XKR9: variants seen among roughly 807,000 people sequenced by gnomAD.
The protein encoded by XKR9 is XK-related protein 9.
In XKR9, 32 loss-of-function variants were observed where a neutral mutation model predicts 32.0. The observed-to-expected ratio is 1.00, with a 90% CI of 0.76 to 1.34. XKR9 has a LOEUF of 1.34. XKR9 is among the 40% of genes most tolerant of loss of function. The pLI is 0.00. For synonymous variants in XKR9, 168 were observed against 143.4 expected, an observed-to-expected ratio of 1.17 and a Z score of -1.22; for missense variants, 546 against 429.7, an observed-to-expected ratio of 1.27 and a Z score of -2.39.
Position 70,733,779 on chromosome 8 carries a change from A to ATTTTTTTTTTTTTTT in XKR9, c.494-10_494-9insTTTTTTTTTTTTTTT. On this transcript the variant is annotated splice_polypyrimidine_tract_variant and intron_variant, in intron 4 of 4. Coordinates refer to ENST00000408926, the MANE Select transcript of XKR9 (RefSeq NM_001011720.2). ...TTATTCCTATAACAATATATTTTTT[A>ATTTTTTTTTTTTTTT]TTTTTTTGTTTTGTAGATGCGGCCA... is the stretch of plus-strand genomic sequence containing the variant. 1 of 1,509,802 alleles carries ATTTTTTTTTTTTTTT rather than the reference A, an allele frequency of 6.6e-7. No homozygotes were observed. Among genetic ancestry groups the ATTTTTTTTTTTTTTT allele is most frequent in the Non-Finnish European group, 8.8e-7 (1 of 1,132,840 alleles). 93.5% of individuals were successfully genotyped at this position (1,509,802 alleles called of 1,614,324 possible). A position where few individuals can be genotyped will look rare whatever the true frequency, so the allele number is the denominator to read the frequency against.
At chr8:70,900,515 G>T in the XKR9 span, among the ~76,000 whole-genome samples, 1 of 151,836 alleles carries the variant, frequency 6.6e-6, no homozygotes, top group Non-Finnish European at 1.5e-5. Flanking sequence ...CTTGAACCTG[G>T]GGGACAGAGA....
the XKR9 span, among the ~76,000 whole-genome samples, chr8:70,873,389 A>G: frequency 6.6e-6 from 1 of 152,230 alleles, no homozygotes; most frequent in African/African-American, 2.4e-5. Context: ...AAATAAATGG[A>G]AAACTTCTAA....
chr8:70,707,776 G>C (rs138758508), intron 4 of XKR9, among the ~76,000 whole-genome samples: 2 of 152,030 alleles, frequency 1.3e-5, no homozygotes, highest in African/African-American at 4.8e-5. Context: ...TGGCCAATGT[G>C]TTTGCTGTTT....
the XKR9 span, among the ~76,000 whole-genome samples, chr8:71,060,192 A>G: frequency 1.3e-5 from 2 of 152,192 alleles, no homozygotes; most frequent in Admixed American, 6.5e-5. Flanking sequence ...TAAAGACAGT[A>G]TTTGTGGATG....
chr8:70,885,076 A>T, the XKR9 span, among the ~76,000 whole-genome samples: 1 of 151,524 alleles, frequency 6.6e-6, no homozygotes, highest in African/African-American at 2.4e-5. Flanking sequence ...TTTTCCTTAC[A>T]CAGATCTTAT....
intron 4 of XKR9, among the ~76,000 whole-genome samples, chr8:70,731,781 G>A (rs866374848): frequency 1.3e-5 from 2 of 152,280 alleles, no homozygotes; most frequent in South Asian, 2.1e-4. Context: ...CTCATGGAAT[G>A]TAATCAGACA....
chr8:70,968,654 G>A, the XKR9 span, among the ~76,000 whole-genome samples: 4 of 151,960 alleles, frequency 2.6e-5, no homozygotes, highest in South Asian at 6.2e-4. Context: ...TGTTGTTGTT[G>A]CTTTCTGTTT....
the XKR9 span, among the ~76,000 whole-genome samples, chr8:70,939,965 A>T: frequency 6.6e-6 from 1 of 152,194 alleles, no homozygotes; most frequent in South Asian, 2.1e-4. Flanking sequence ...AAGCACAGAG[A>T]GTTACACAAC....
At chr8:70,915,879 T>C in the XKR9 span, among the ~76,000 whole-genome samples, 4 of 152,180 alleles carry the variant, frequency 2.6e-5, no homozygotes, top group Non-Finnish European at 5.9e-5. Flanking sequence ...ATAGCCAGGC[T>C]TTTCCGAAGT....
rs1806812852 is a variant in XKR9, at chr8:70,734,838, T to C, written c.*414T>C. On this transcript the variant is annotated 3_prime_UTR_variant, in exon 5 of 5. Transcript: ENST00000408926. ...TTGTCTTCAGTGCATATATTTGCAGTTGGGGACAGGTTGAGTAGAGGAAAA... is the reference window on the plus strand; with the variant it reads ...TTGTCTTCAGTGCATATATTTGCAGCTGGGGACAGGTTGAGTAGAGGAAAA... The C allele has an allele frequency of 6.5e-6, 1 of 152,830 alleles. No homozygotes were observed. Among genetic ancestry groups the C allele is most frequent in the South Asian group, 2.1e-4 (1 of 4,858 alleles). The allele number at this position is 152,830 out of a possible 1,614,324, so 9.5% of individuals were successfully genotyped here.
the XKR9 span, among the ~76,000 whole-genome samples, chr8:71,008,147 G>A: frequency 6.6e-6 from 1 of 152,064 alleles, no homozygotes; most frequent in Non-Finnish European, 1.5e-5. Flanking sequence ...GAATTTTTGG[G>A]GGTAAGGCTG....
chr8:70,767,270 T>C (rs1807390286), intron 2 of XKR9, among the ~76,000 whole-genome samples: 1 of 152,200 alleles, frequency 6.6e-6, no homozygotes, highest in African/African-American at 2.4e-5. Flanking sequence ...ATTGCCTCAA[T>C]TTCAGAACTT....
chr8:70,995,714 C>T, the XKR9 span, among the ~76,000 whole-genome samples: 1 of 152,116 alleles, frequency 6.6e-6, no homozygotes, highest in African/African-American at 2.4e-5. Flanking sequence ...TAGGGTCTTG[C>T]TCTGTTGCCC....
At chr8:70,778,698 C>T (rs970155066) in intron 2 of XKR9, among the ~76,000 whole-genome samples, 6 of 152,092 alleles carry the variant, frequency 3.9e-5, no homozygotes, top group African/African-American at 1.4e-4. Flanking sequence ...GTATTTCATT[C>T]TCTTTGTAGT....
chr8:70,993,410 T>C, the XKR9 span, among the ~76,000 whole-genome samples: 5 of 152,198 alleles, frequency 3.3e-5, no homozygotes, highest in Admixed American at 6.5e-5. Context: ...ATGGCTCTTG[T>C]TAAGCCTGGT....
chr8:70,702,749 G>C (rs945244590), intron 3 of XKR9, among the ~76,000 whole-genome samples: 9 of 152,130 alleles, frequency 5.9e-5, no homozygotes, highest in Non-Finnish European at 1.3e-4. Context: ...GCCATATGAA[G>C]TTTTTTATTT....
At chr8:70,766,047 A>G (rs1807371150) in intron 2 of XKR9, among the ~76,000 whole-genome samples, 2 of 152,128 alleles carry the variant, frequency 1.3e-5, no homozygotes, top group Admixed American at 6.6e-5. Context: ...TGATGCCTCC[A>G]GATTTGTTCT....
the XKR9 span, among the ~76,000 whole-genome samples, chr8:70,795,427 A>G: frequency 2.0e-5 from 3 of 152,142 alleles, no homozygotes; most frequent in African/African-American, 4.8e-5. Context: ...TCATGCCACA[A>G]TGAACATATG....
At chr8:70,870,848 C>A in the XKR9 span, among the ~76,000 whole-genome samples, 1 of 152,146 alleles carries the variant, frequency 6.6e-6, no homozygotes, top group Non-Finnish European at 1.5e-5. Context: ...GATTCTGTTA[C>A]TCTTCTTTTC....
Sources: gnomAD v4.1 joint callset for allele counts (sites outside exome capture counted in the v4.1 genomes callset) on GRCh38, gnomAD v4.1.1 for gene constraint, MANE v1.5 for transcripts, NCBI Gene and HGNC (gene_info 2026-07-23, HGNC 2026-07-21) for gene names.